Variants in PDSS2 observed in about 807,000 individuals in gnomAD.
PDSS2 encodes the protein all trans-polyprenyl-diphosphate synthase PDSS2.
PDSS2 carries 31 observed loss-of-function variants against 44.5 expected under a neutral mutation model. That is an observed-to-expected ratio of 0.70 (90% CI 0.52 to 0.94). The LOEUF is 0.94. Ranked by LOEUF, PDSS2 falls within the 40% of genes least tolerant of loss-of-function variation. The probability of loss-of-function intolerance (pLI) is 0.00; values close to 1 mark genes in which losing one functional copy is unlikely to be tolerated. For synonymous variants in PDSS2, 157 were observed against 180.3 expected (o/e 0.87, Z 1.03); for missense variants, 452 against 482.2 (o/e 0.94, Z 0.59).
chr6:107,325,715 A>G (rs1777524515), intron 2 of PDSS2, among the ~76,000 whole-genome samples: 1 of 152,120 alleles, frequency 6.6e-6, no homozygotes, highest in Non-Finnish European at 1.5e-5. Flanking sequence ...TAAGCTAACT[A>G]CCTGTTCATG....
intron 2 of PDSS2, among the ~76,000 whole-genome samples, chr6:107,298,248 G>A (rs1056714903): frequency 6.6e-6 from 1 of 152,022 alleles, no homozygotes; most frequent in Admixed American, 6.6e-5. Flanking sequence ...GTTGGCCATT[G>A]GTATTGGTGG....
At chr6:107,211,734 C>CAA (rs772288348) in intron 5 of PDSS2, among the ~76,000 whole-genome samples, 80 of 76,842 alleles carry the variant, frequency 1.0e-3, no homozygotes, top group African/African-American at 2.7e-3. Context: ...GACTCCATCT[C>CAA]AAAAAAAAAA....
At chr6:107,296,579 T>C (rs1776515503) in intron 2 of PDSS2, among the ~76,000 whole-genome samples, 1 of 152,000 alleles carries the variant, frequency 6.6e-6, no homozygotes, top group Non-Finnish European at 1.5e-5. Flanking sequence ...TATAAAAAAT[T>C]AGCTGGGCGT....
At chr6:107,337,940 G>A (rs1258543660) in intron 1 of PDSS2, among the ~76,000 whole-genome samples, 1 of 151,944 alleles carries the variant, frequency 6.6e-6, no homozygotes, top group Admixed American at 6.6e-5. Flanking sequence ...AATTAAGAGA[G>A]CATTCAGAAA....
intron 7 of PDSS2, among the ~76,000 whole-genome samples, chr6:107,177,173 C>T (rs1224439191): frequency 7.1e-6 from 1 of 140,758 alleles, no homozygotes; most frequent in Non-Finnish European, 1.5e-5. Context: ...CACTCTCACT[C>T]AGGCTGGAGT....
chr6:107,223,955 C>T (rs1409525183), intron 4 of PDSS2, among the ~76,000 whole-genome samples: 8 of 151,218 alleles, frequency 5.3e-5, no homozygotes. Context: ...ACTGCCTGAG[C>T]TCCACCTCCT....
chr6:107,191,014 C>T (rs1190008976), intron 7 of PDSS2, among the ~76,000 whole-genome samples: 21 of 152,108 alleles, frequency 1.4e-4, no homozygotes, highest in Admixed American at 1.4e-3. Flanking sequence ...GCCTCAGCCT[C>T]CCAAGTAGCT....
At chr6:107,399,430 T>C (rs1278468914) in intron 1 of PDSS2, among the ~76,000 whole-genome samples, 1 of 152,194 alleles carries the variant, frequency 6.6e-6, no homozygotes, top group African/African-American at 2.4e-5. Context: ...TTCACAGTCC[T>C]GAAACCTCTT....
At chr6:107,277,560 G>A (rs1775825516) in intron 2 of PDSS2, among the ~76,000 whole-genome samples, 1 of 152,154 alleles carries the variant, frequency 6.6e-6, no homozygotes, top group African/African-American at 2.4e-5. Flanking sequence ...TGTAGGGAAA[G>A]TAGGGATATG....
chr6:107,459,368 AGTAACTAAAAGGAAGCG>A lies in PDSS2; in HGVS notation c.-100_-84del. On this transcript the variant is annotated 5_prime_UTR_variant, in exon 1 of 8. Coordinates refer to ENST00000369037, the MANE Select transcript of PDSS2 (RefSeq NM_020381.4). This position sits in a 1 kb window ranked among gnomAD's most constrained non-coding sequence, Gnocchi z 4.3. ...AACCAGGGGCAGAGGAGGAACTTAC[AGTAACTAAAAGGAAGCG>A]GCAATTCTTGACCCTCAGAGTAAGG... 8.8e-7 allele frequency: 1 copy of A among 1,142,512 alleles called. No homozygotes were observed. The highest frequency in any genetic ancestry group is 1.3e-5 in the South Asian group (1 of 78,872). The allele number at this position is 1,142,512 out of a possible 1,614,324, so 70.8% of individuals were successfully genotyped here. A position where few individuals can be genotyped will look rare whatever the true frequency, so the allele number is the denominator to read the frequency against.
intron 3 of PDSS2, among the ~76,000 whole-genome samples, chr6:107,272,936 T>A (rs1019628976): frequency 6.6e-6 from 1 of 152,084 alleles, no homozygotes; most frequent in East Asian, 1.9e-4. Context: ...TTATTTATTT[T>A]TTTTATTTTT....
intron 2 of PDSS2, among the ~76,000 whole-genome samples, chr6:107,307,894 C>G (rs1402934557): frequency 1.3e-5 from 2 of 152,168 alleles, no homozygotes; most frequent in Non-Finnish European, 2.9e-5. Context: ...GATGACTCCT[C>G]TCTTTACAAA....
intron 2 of PDSS2, among the ~76,000 whole-genome samples, chr6:107,284,662 CAA>C (rs59471847): frequency 1.0e-4 from 14 of 134,326 alleles, no homozygotes; most frequent in Non-Finnish European, 8.0e-5. Flanking sequence ...ACTTCGTCTC[CAA>C]AAAAAAAAAA....
At chr6:107,437,636 G>A (rs1457529234) in intron 1 of PDSS2, among the ~76,000 whole-genome samples, 2 of 150,612 alleles carry the variant, frequency 1.3e-5, no homozygotes, top group Non-Finnish European at 2.9e-5. Context: ...GCATACTCAA[G>A]ACCCAAAATC....
rs191107806 is a variant in PDSS2, at chr6:107,418,828, C to T, written c.296+40162G>A. ...AATAAAGGTGTGTTGTTTTTAGCCA[C>T]TAGCTTCGTGATCATTTGTTACAGC... On this transcript the variant is annotated intron_variant, in intron 1 of 7. Transcript: ENST00000369037. Among the ~76,000 whole-genome samples, 459 of 152,210 alleles carry T rather than the reference C, an allele frequency of 3.0e-3. 3 individuals are homozygous for T. The highest frequency in any genetic ancestry group is 0.01 in the African/African-American group (424 of 41,554).
intron 7 of PDSS2, among the ~76,000 whole-genome samples, chr6:107,169,430 C>T (rs1771481789): frequency 1.3e-5 from 2 of 152,142 alleles, no homozygotes; most frequent in Admixed American, 1.3e-4. Flanking sequence ...CAAGCTTCCT[C>T]CTTTAGCTCG....
intron 1 of PDSS2, among the ~76,000 whole-genome samples, chr6:107,376,995 A>G (rs1429052616): frequency 3.3e-5 from 5 of 151,662 alleles, no homozygotes; most frequent in African/African-American, 9.7e-5. Flanking sequence ...CTTCATGTCT[A>G]AAACACCAAA....
At chr6:107,368,770 T>C (rs1419146800) in intron 1 of PDSS2, among the ~76,000 whole-genome samples, 1 of 152,088 alleles carries the variant, frequency 6.6e-6, no homozygotes, top group African/African-American at 2.4e-5. Context: ...TCACTGCAAC[T>C]CCAGCCTGGA....
chr6:107,182,548 C>T (rs1290836940), intron 7 of PDSS2, among the ~76,000 whole-genome samples: 1 of 152,194 alleles, frequency 6.6e-6, no homozygotes, highest in Non-Finnish European at 1.5e-5. Flanking sequence ...TGGTCTCGAA[C>T]TCCTGACCTC....
Sources: gnomAD v4.1 joint callset for allele counts (sites outside exome capture counted in the v4.1 genomes callset) on GRCh38, gnomAD v4.1.1 for gene constraint, Gnocchi (gnomAD v3.1) non-coding constraint, MANE v1.5 for transcripts, NCBI Gene and HGNC (gene_info 2026-07-23, HGNC 2026-07-21) for gene names.